Variants in USP20 observed in about 807,000 individuals in gnomAD.
USP20 encodes the protein ubiquitin specific peptidase 20, also known as ubiquitin carboxyl-terminal hydrolase 20.
In USP20, 80 loss-of-function variants were observed where a neutral mutation model predicts 124.2. The ratio of observed to expected loss-of-function variants is 0.64; its 90% CI spans 0.54 to 0.78. The LOEUF (loss-of-function observed/expected upper bound fraction) is 0.78. Among genes scored for constraint, USP20 ranks in the 30% least tolerant of loss-of-function variants. The pLI is 0.00. For missense variants in USP20, 1,043 were observed against 1,244.4 expected, an observed-to-expected ratio of 0.84 and a Z score of 2.44; for synonymous variants, 481 against 512.3, an observed-to-expected ratio of 0.94 and a Z score of 0.83.
At chr9:129,867,598 C>G (rs544363440) in intron 10 of USP20, among the ~76,000 whole-genome samples, 1 of 152,234 alleles carries the variant, frequency 6.6e-6, no homozygotes, top group African/African-American at 2.4e-5. Context: ...CTTCCGCCAC[C>G]CCCCTGCCCA....
chr9:129,878,233 A>C, intron 22 of USP20, 105 bp from the exon 23 acceptor site: 1 of 892,698 alleles, frequency 1.1e-6, no homozygotes, highest in Non-Finnish European at 1.8e-6. Context: ...TTTTTGTAAG[A>C]CTCTTGGGTG....
intron 14 of USP20, chr9:129,870,219 A>T: frequency 1.7e-6 from 1 of 580,304 alleles, no homozygotes; most frequent in Non-Finnish European, 3.1e-6. Flanking sequence ...TAGCATGATC[A>T]TGGCCGCAAC....
intron 1 of USP20, among the ~76,000 whole-genome samples, chr9:129,842,376 G>C (rs1199412714): frequency 6.6e-6 from 1 of 152,116 alleles, no homozygotes; most frequent in South Asian, 2.1e-4. Context: ...GTGTCTGCTT[G>C]CAAGTACCCT....
intron 8 of USP20, among the ~76,000 whole-genome samples, chr9:129,861,889 A>C (rs1268208215): frequency 6.6e-6 from 1 of 152,182 alleles, no homozygotes; most frequent in Non-Finnish European, 1.5e-5. Flanking sequence ...AGAGAGTATA[A>C]ATTCTCATAG....
chr9:129,843,200 T>C (rs1213022615), intron 1 of USP20, among the ~76,000 whole-genome samples: 3 of 151,030 alleles, frequency 2.0e-5, no homozygotes, highest in Non-Finnish European at 4.4e-5. Flanking sequence ...GAGGCCGCAG[T>C]GGACAGATCA....
At chr9:129,873,994 G>A (rs1258871067) in intron 17 of USP20, among the ~76,000 whole-genome samples, 1 of 152,228 alleles carries the variant, frequency 6.6e-6, no homozygotes, top group East Asian at 1.9e-4. Flanking sequence ...AGGGCCCAAT[G>A]GGAGGCAGGT....
intron 1 of USP20, among the ~76,000 whole-genome samples, chr9:129,843,869 A>G (rs550293437): frequency 1.4e-4 from 22 of 152,268 alleles, no homozygotes; most frequent in African/African-American, 5.1e-4. Flanking sequence ...TTCCAGACCA[A>G]TCTGGGCATC....
chr9:129,844,713 G>A (rs559061527), intron 1 of USP20, among the ~76,000 whole-genome samples: 6 of 147,116 alleles, frequency 4.1e-5, no homozygotes, highest in African/African-American at 1.5e-4. Context: ...TTTTTTTCCT[G>A]TACAGCAGGA....
At chr9:129,869,158 A>T (rs2033987033) in intron 12 of USP20, 152 bp from the exon 13 acceptor site, 1 of 1,308,456 alleles carries the variant, frequency 7.6e-7, no homozygotes. Context: ...CGTTTTGCAG[A>T]GGATGACACA....
intron 2 of USP20, among the ~76,000 whole-genome samples, chr9:129,851,107 T>G (rs2032894220): frequency 6.6e-6 from 1 of 152,214 alleles, no homozygotes; most frequent in African/African-American, 2.4e-5. Flanking sequence ...TTGATTCTGC[T>G]AAAATACCGT....
intron 4 of USP20, 43 bp downstream of exon 4, chr9:129,856,403 A>C (rs766382177): frequency 2.5e-6 from 4 of 1,602,182 alleles, no homozygotes; most frequent in Admixed American, 3.3e-5. Flanking sequence ...AGCTGCTTCC[A>C]CCTGTTATCA....
chr9:129,862,943 T>TA (rs2033625222), intron 8 of USP20, among the ~76,000 whole-genome samples: 1 of 34,188 alleles, frequency 2.9e-5, no homozygotes, highest in Non-Finnish European at 7.7e-5. Context: ...TAAGGTAAGA[T>TA]AGATAAGATG....
intron 23 of USP20, among the ~76,000 whole-genome samples, chr9:129,878,816 C>T (rs1463997674): frequency 6.6e-6 from 1 of 152,218 alleles, no homozygotes; most frequent in Non-Finnish European, 1.5e-5. Flanking sequence ...CTCCCAGGGT[C>T]CCCCAAGTCC....
At chr9:129,878,186 G>A (rs2034486819) in intron 22 of USP20, 152 bp from the exon 23 acceptor site, 3 of 659,416 alleles carry the variant, frequency 4.5e-6, no homozygotes, top group Non-Finnish European at 5.5e-6. Context: ...GTTTGAGCTT[G>A]TCTGGGGGTT....
At chr9:129,836,257 T>G (rs2031825605) in intron 1 of USP20, among the ~76,000 whole-genome samples, 1 of 152,252 alleles carries the variant, frequency 6.6e-6, no homozygotes, top group African/African-American at 2.4e-5. Context: ...TTTCTCAGTG[T>G]CATCCCTTAC....
At position 129,876,229 on chromosome 9, in the gene USP20, C is replaced by T. The variant is rs760710690; in HGVS notation, c.2400C>T (p.Thr800=). The change falls in exon 22 of 26, where the codon ACC becomes ACT. Residue 800 remains threonine (T), a synonymous_variant. Coordinates refer to ENST00000372429, the MANE Select transcript of USP20 (RefSeq NM_001110303.4). ...LAKRRRIEID[T]FIKLNKAFQA... ...AGCGCAGGAGGATCGAGATCGACAC[C>T]TTCATCAAGGTGCGTGCGGCGAGGC... 1.3e-5 allele frequency: 21 copies of T among 1,612,044 alleles called. No homozygotes were observed. The East Asian group carries it at 4.2e-4, about 33-fold the overall frequency.
intron 12 of USP20, 151 bp from the exon 13 acceptor site, chr9:129,869,159 G>GT (rs1486827104): frequency 6.8e-6 from 9 of 1,317,624 alleles, no homozygotes; most frequent in African/African-American, 1.5e-5. Context: ...GTTTTGCAGA[G>GT]GATGACACAG....
intron 1 of USP20, among the ~76,000 whole-genome samples, chr9:129,849,108 G>C (rs1045070775): frequency 1.3e-5 from 2 of 152,220 alleles, no homozygotes; most frequent in Non-Finnish European, 2.9e-5. Flanking sequence ...GGCATGTGTG[G>C]AAGGGGCCAG....
chr9:129,872,992 C>G (rs1017325892), intron 15 of USP20, among the ~76,000 whole-genome samples: 2 of 151,858 alleles, frequency 1.3e-5, no homozygotes, highest in South Asian at 4.2e-4. Context: ...CCATTTCTCC[C>G]TTGTATGGAT....
Sources: gnomAD v4.1 joint callset for allele counts (sites outside exome capture counted in the v4.1 genomes callset) on GRCh38, gnomAD v4.1.1 for gene constraint, MANE v1.5 for transcripts, NCBI Gene and HGNC (gene_info 2026-07-23, HGNC 2026-07-21) for gene names.